The following MRPL13 variants were observed in gnomAD, a reference collection of about 807,000 sequenced individuals.
MRPL13 encodes mitochondrial ribosomal protein L13, also known as large ribosomal subunit protein uL13m.
MRPL13 carries 33 observed loss-of-function variants against 29.0 expected under a neutral mutation model. The observed-to-expected ratio is 1.14, with a 90% CI of 0.86 to 1.52. The LOEUF is 1.52. MRPL13 is among the 40% of genes most tolerant of loss of function. MRPL13 has a pLI of 0.00. For synonymous variants in MRPL13, 77 were observed against 68.4 expected, an observed-to-expected ratio of 1.13 and a Z score of -0.62; for missense variants, 227 against 216.7, an observed-to-expected ratio of 1.05 and a Z score of -0.30.
intron 6 of MRPL13, among the ~76,000 whole-genome samples, chr8:120,403,917 C>T (rs1238422268): frequency 6.6e-6 from 1 of 152,160 alleles, no homozygotes; most frequent in Non-Finnish European, 1.5e-5. Context: ...ATCTGGGAAA[C>T]TAGCCAGGTA....
intron 3 of MRPL13, among the ~76,000 whole-genome samples, chr8:120,428,937 C>T (rs151264935): frequency 1.2e-4 from 19 of 152,212 alleles, no homozygotes; most frequent in Non-Finnish European, 1.9e-4. Flanking sequence ...GACAGTGTGG[C>T]GATTCCTCAA....
At chr8:120,406,152 G>T (rs1300975552) in intron 6 of MRPL13, among the ~76,000 whole-genome samples, 2 of 152,018 alleles carry the variant, frequency 1.3e-5, no homozygotes, top group African/African-American at 4.8e-5. Context: ...GCTAACACCT[G>T]TCAATTTTTT....
chr8:120,404,342 G>C (rs1420143029), intron 6 of MRPL13, among the ~76,000 whole-genome samples: 2 of 152,170 alleles, frequency 1.3e-5, no homozygotes, highest in African/African-American at 4.8e-5. Flanking sequence ...GAAATGAAAT[G>C]ACAATACCAC....
At chr8:120,415,921 T>G (rs1450800139) in intron 5 of MRPL13, 3 of 152,206 alleles carry the variant, frequency 2.0e-5, no homozygotes, top group Admixed American at 1.3e-4. Context: ...TAAAGACAAT[T>G]TCAAAAAGCT....
intron 6 of MRPL13, among the ~76,000 whole-genome samples, chr8:120,413,189 TAA>T (rs1812760175): frequency 6.6e-6 from 1 of 152,212 alleles, no homozygotes; most frequent in Non-Finnish European, 1.5e-5. Flanking sequence ...TAAAAGCTGA[TAA>T]AAGTCTTAAT....
chr8:120,416,062 A>C (rs1812798635), intron 5 of MRPL13: 1 of 152,198 alleles, frequency 6.6e-6, no homozygotes, highest in African/African-American at 2.4e-5. Context: ...TGAATGGTTA[A>C]AATCAATGCA....
chr8:120,413,959 G>GAA, intron 6 of MRPL13, 32 bp downstream of exon 6: 28 of 1,434,818 alleles, frequency 2.0e-5, no homozygotes, highest in South Asian at 6.5e-5. Context: ...GATATCAAAA[G>GAA]AAAAAAAAAC....
At position 120,432,102 on chromosome 8, in the gene MRPL13, ACAAC is replaced by A; in HGVS notation, c.169_172del (p.Val57LeufsTer2). 6.2e-7 allele frequency: 1 copy of A among 1,603,932 alleles called. No homozygotes were observed. The highest frequency in any genetic ancestry group is 8.5e-7 in the Non-Finnish European group (1 of 1,175,688). Reference sequence around the variant, plus strand: ...TGCAATGTGTCTTGTGTTCATTATAACAACATGATCCCCACAGTCACCTACATTT... The same window carrying A: ...TGCAATGTGTCTTGTGTTCATTATAAATGATCCCCACAGTCACCTACATTT... On this transcript the variant is annotated frameshift_variant, in exon 3 of 7. Coordinates refer to ENST00000306185, the MANE Select transcript of MRPL13 (RefSeq NM_014078.6). LOFTEE classifies it high-confidence loss of function.
At chr8:120,431,983 T>A (rs765957096) in intron 3 of MRPL13, 47 bp downstream of exon 3, 2 of 1,295,334 alleles carry the variant, frequency 1.5e-6, no homozygotes, top group East Asian at 4.8e-5. Flanking sequence ...ATTCTTAAAG[T>A]AATATATTTT....
intron 5 of MRPL13, among the ~76,000 whole-genome samples, chr8:120,419,416 G>A (rs544065937): frequency 2.6e-5 from 4 of 151,942 alleles, no homozygotes; most frequent in Admixed American, 1.3e-4. Flanking sequence ...GTATGAACAA[G>A]TATTCTAAAG....
intron 3 of MRPL13, among the ~76,000 whole-genome samples, chr8:120,431,518 TG>T (rs1257929124): frequency 6.6e-6 from 1 of 152,154 alleles, no homozygotes; most frequent in African/African-American, 2.4e-5. Flanking sequence ...AGAAATACTA[TG>T]GCCTTGAAGA....
chr8:120,428,106 C>T (rs998439219), intron 3 of MRPL13, among the ~76,000 whole-genome samples: 1 of 134,518 alleles, frequency 7.4e-6, no homozygotes, highest in Admixed American at 8.1e-5. Flanking sequence ...GCTACAGTAA[C>T]CAAAACAGCA....
chr8:120,396,604 G>T (rs1486493777), intron 6 of MRPL13, among the ~76,000 whole-genome samples: 1 of 151,936 alleles, frequency 6.6e-6, no homozygotes, highest in Non-Finnish European at 1.5e-5. Flanking sequence ...ATAAACATCA[G>T]TCCTTTAATA....
In MRPL13 at chr8:120,425,306, T is replaced by C; in HGVS notation, c.306A>G (p.Ala102=). ...TTAATAAAAAATACAAGAAACTTAC[T>C]GCCACTGGATCCCTCAGGTGAAGCT... ...AAQLHLRDPV[A]IVKLAIYGML... Residue 102 remains alanine, a splice_region_variant and synonymous_variant, in exon 4 of 7, where the codon GCA becomes GCG. Transcript: ENST00000306185. 2 of 1,610,358 alleles carry C rather than the reference T, an allele frequency of 1.2e-6. No individual in the cohort carries two copies. Among genetic ancestry groups the C allele is most frequent in the South Asian group, 1.1e-5 (1 of 90,856 alleles).
At chr8:120,444,957 G>A (rs1813186411) in intron 1 of MRPL13, 111 bp downstream of exon 1, 3 of 1,443,756 alleles carry the variant, frequency 2.1e-6, no homozygotes, top group Admixed American at 1.7e-5. Context: ...CCTCTTGGCC[G>A]AGGGTCTCGG....
rs374031865 is a variant in MRPL13, at chr8:120,432,623, C to T, written c.152-500G>A. Among the ~76,000 whole-genome samples, 123 of 152,156 alleles carry T rather than the reference C, an allele frequency of 8.1e-4. 1 individual carries two copies. Among genetic ancestry groups the T allele is most frequent in the African/African-American group, 2.8e-3 (116 of 41,556 alleles). On this transcript the variant is annotated intron_variant, in intron 2 of 6. Coordinates refer to ENST00000306185, the MANE Select transcript of MRPL13 (RefSeq NM_014078.6). ...TATTATTTTTTGCAAATTTAGGGAACAGACTGCTTTGATCTTATTAACTAC... is the reference window on the plus strand; with the variant it reads ...TATTATTTTTTGCAAATTTAGGGAATAGACTGCTTTGATCTTATTAACTAC...
At position 120,398,979 on chromosome 8, in the gene MRPL13, C is replaced by T. The variant is rs1382226727; in HGVS notation, c.516-2854G>A. ...CAGAATGAAAAGGAATGAACAAAACCTCCAAGAAATATGGGACTATGTAAA... is the reference window on the plus strand; with the variant it reads ...CAGAATGAAAAGGAATGAACAAAACTTCCAAGAAATATGGGACTATGTAAA... On this transcript the variant is annotated intron_variant, in intron 6 of 6. Transcript: ENST00000306185. Among the ~76,000 whole-genome samples, 5 of 151,770 alleles carry T rather than the reference C, an allele frequency of 3.3e-5. No homozygotes were observed. The South Asian group carries it at 1.0e-3, about 32-fold the overall frequency.
chr8:120,418,498 G>C (rs1812831680), intron 5 of MRPL13, among the ~76,000 whole-genome samples: 1 of 151,990 alleles, frequency 6.6e-6, no homozygotes, highest in Non-Finnish European at 1.5e-5. Flanking sequence ...GTATAAGTGT[G>C]CCTGTTTCCC....
chr8:120,410,086 A>G (rs555340448), intron 6 of MRPL13, among the ~76,000 whole-genome samples: 2 of 152,334 alleles, frequency 1.3e-5, no homozygotes, highest in East Asian at 3.9e-4. Context: ...TTAGTCTCTA[A>G]TAGAAAAGTT....
Sources: gnomAD v4.1 joint callset for allele counts (sites outside exome capture counted in the v4.1 genomes callset) on GRCh38, gnomAD v4.1.1 for gene constraint, MANE v1.5 for transcripts, NCBI Gene and HGNC (gene_info 2026-07-23, HGNC 2026-07-21) for gene names.